The following SLC24A3 variants were observed in gnomAD, a reference collection of about 807,000 sequenced individuals.
SLC24A3 encodes solute carrier family 24 member 3, also known as sodium/potassium/calcium exchanger 3.
SLC24A3 carries 28 observed loss-of-function variants against 75.8 expected under a neutral mutation model. The ratio of observed to expected loss-of-function variants is 0.37; its 90% confidence interval spans 0.27 to 0.51. The LOEUF is 0.51. Among genes scored for constraint, SLC24A3 ranks in the 20% least tolerant of loss-of-function variants. The pLI is 0.94. For missense variants in SLC24A3, 663 were observed against 847.8 expected, an observed-to-expected ratio of 0.78 and a Z score of 2.71; for synonymous variants, 372 against 334.1, an observed-to-expected ratio of 1.11 and a Z score of -1.24.
chr20:19,446,726 G>A (rs1176956120), intron 2 of SLC24A3, among the ~76,000 whole-genome samples: 2 of 152,222 alleles, frequency 1.3e-5, no homozygotes, highest in Non-Finnish European at 2.9e-5. Context: ...GGACAAGTCT[G>A]TAGACTTCTC....
intron 2 of SLC24A3, among the ~76,000 whole-genome samples, chr20:19,409,213 C>T (rs772864352): frequency 1.3e-5 from 2 of 152,012 alleles, no homozygotes; most frequent in Non-Finnish European, 2.9e-5. Flanking sequence ...CCTATGAAGA[C>T]CAGGGAGAAG....
chr20:19,591,206 A>G (rs976759941), intron 6 of SLC24A3, among the ~76,000 whole-genome samples: 1 of 152,070 alleles, frequency 6.6e-6, no homozygotes, highest in African/African-American at 2.4e-5. Context: ...GTTAGCTTTG[A>G]TCTGGGCTCA....
At chr20:19,695,004 G>A (rs960703074) in intron 13 of SLC24A3, 3 of 152,248 alleles carry the variant, frequency 2.0e-5, no homozygotes, top group African/African-American at 4.8e-5. Flanking sequence ...AATAGAAACA[G>A]CGTGTGTTTC....
At chr20:19,400,759 A>T (rs1197985428) in intron 2 of SLC24A3, among the ~76,000 whole-genome samples, 3 of 152,132 alleles carry the variant, frequency 2.0e-5, no homozygotes, top group Admixed American at 6.5e-5. Context: ...GCATCTTGGA[A>T]TCTCTCTCAA....
At chr20:19,222,053 A>C (rs192738377) in intron 1 of SLC24A3, among the ~76,000 whole-genome samples, 121 of 151,440 alleles carry the variant, frequency 8.0e-4, no homozygotes, top group African/African-American at 2.8e-3. Context: ...TTTTGCTCTA[A>C]TTTCTATAGA....
intron 2 of SLC24A3, among the ~76,000 whole-genome samples, chr20:19,325,290 A>T (rs1984812726): frequency 6.6e-6 from 1 of 151,610 alleles, no homozygotes; most frequent in South Asian, 2.1e-4. Flanking sequence ...AATAATATTA[A>T]TAATAATTAC....
At chr20:19,241,479 AT>A (rs1982325945) in intron 1 of SLC24A3, among the ~76,000 whole-genome samples, 1 of 152,018 alleles carries the variant, frequency 6.6e-6, no homozygotes, top group African/African-American at 2.4e-5. Context: ...CCATTTCTCC[AT>A]TCTTGCGGTG....
chr20:19,513,736 T>TTAA lies in SLC24A3; in HGVS notation c.272-1752_272-1751insTAA, dbSNP rs1555797242. Reference sequence around the variant, plus strand: ...ACACAGGTGGGTCTTGCTTTTTTTTTAGAAAAAAAAAAAAAGCCTTTTTGA... The same window carrying TTAA: ...ACACAGGTGGGTCTTGCTTTTTTTTTTAAAGAAAAAAAAAAAAAGCCTTTTTGA... On this transcript the variant is annotated intron_variant, in intron 2 of 16. Coordinates refer to ENST00000328041, the MANE Select transcript of SLC24A3 (RefSeq NM_020689.4). Among the ~76,000 whole-genome samples the TTAA allele has an allele frequency of 2.4e-5, 3 of 123,254 alleles. No homozygotes were observed. In the East Asian group the frequency reaches 6.6e-4, roughly 27 times the overall value. 80.9% of individuals were successfully genotyped at this position (123,254 alleles called of 152,430 possible). A position where few individuals can be genotyped will look rare whatever the true frequency, so the allele number is the denominator to read the frequency against.
intron 3 of SLC24A3, among the ~76,000 whole-genome samples, chr20:19,571,403 C>A (rs909399258): frequency 1.3e-5 from 2 of 151,890 alleles, no homozygotes; most frequent in Non-Finnish European, 2.9e-5. Context: ...ACACAGGAGT[C>A]AATATCTCAG....
chr20:19,321,005 C>A (rs970144562), intron 2 of SLC24A3, among the ~76,000 whole-genome samples: 3 of 151,896 alleles, frequency 2.0e-5, no homozygotes, highest in African/African-American at 7.3e-5. Context: ...CATACATATG[C>A]ATGTATTGTG....
At chr20:19,507,636 T>C (rs1463834431) in intron 2 of SLC24A3, among the ~76,000 whole-genome samples, 1 of 152,182 alleles carries the variant, frequency 6.6e-6, no homozygotes, top group African/African-American at 2.4e-5. Flanking sequence ...TTTGCTCACA[T>C]TTCACTAATC....
chr20:19,422,783 A>T (rs955973460), intron 2 of SLC24A3, among the ~76,000 whole-genome samples: 1 of 152,220 alleles, frequency 6.6e-6, no homozygotes, highest in Admixed American at 6.5e-5. Flanking sequence ...TTATTTTAGC[A>T]ATCAGGAAGG....
At chr20:19,639,925 C>G (rs974181219) in intron 6 of SLC24A3, among the ~76,000 whole-genome samples, 1 of 152,266 alleles carries the variant, frequency 6.6e-6, no homozygotes, top group Non-Finnish European at 1.5e-5. Flanking sequence ...CCGGCTGCTC[C>G]GAGTGCGGGG....
intron 1 of SLC24A3, among the ~76,000 whole-genome samples, chr20:19,280,022 A>G (rs1259313510): frequency 6.6e-6 from 1 of 152,176 alleles, no homozygotes; most frequent in Non-Finnish European, 1.5e-5. Context: ...TGGTACTGTA[A>G]TCTTAATGCT....
At chr20:19,363,330 C>G (rs1326053682) in intron 2 of SLC24A3, among the ~76,000 whole-genome samples, 1 of 152,238 alleles carries the variant, frequency 6.6e-6, no homozygotes, top group Non-Finnish European at 1.5e-5. Context: ...ACTTGCCAGA[C>G]CATTCTCCCA....
At chr20:19,270,771 T>G (rs1302889516) in intron 1 of SLC24A3, among the ~76,000 whole-genome samples, 3 of 146,946 alleles carry the variant, frequency 2.0e-5, no homozygotes, top group South Asian at 2.2e-4. Context: ...GGGAGAGAGA[T>G]AGAGTTAGAG....
chr20:19,360,906 A>C (rs1408223164), intron 2 of SLC24A3, among the ~76,000 whole-genome samples: 4 of 151,916 alleles, frequency 2.6e-5, no homozygotes, highest in Non-Finnish European at 2.9e-5. Flanking sequence ...GGCTCACTGC[A>C]AGCTCTGCCT....
chr20:19,655,445 G>A (rs2032254444), intron 7 of SLC24A3, among the ~76,000 whole-genome samples: 1 of 152,146 alleles, frequency 6.6e-6, no homozygotes, highest in African/African-American at 2.4e-5. Context: ...GGAGTCGGGA[G>A]ATCTGACTCC....
At position 19,445,589 on chromosome 20, in the gene SLC24A3, G is replaced by A. The variant is rs1025561594; in HGVS notation, c.272-69899G>A. ...ACTTTGGACAACTGGAGCTTAATCCGTCTTGAAACTCTGGGAGGCAGCGTA... is the reference window on the plus strand; with the variant it reads ...ACTTTGGACAACTGGAGCTTAATCCATCTTGAAACTCTGGGAGGCAGCGTA... On this transcript the variant is annotated intron_variant, in intron 2 of 16. Transcript: ENST00000328041. Among the ~76,000 whole-genome samples, 27 of 152,194 alleles carry A rather than the reference G, an allele frequency of 1.8e-4. 1 individual carries two copies. The highest frequency in any genetic ancestry group is 1.6e-3 in the Admixed American group (24 of 15,280).
Sources: gnomAD v4.1 joint callset for allele counts (sites outside exome capture counted in the v4.1 genomes callset) on GRCh38, gnomAD v4.1.1 for gene constraint, MANE v1.5 for transcripts, NCBI Gene and HGNC (gene_info 2026-07-23, HGNC 2026-07-21) for gene names.